ARHGAP15: variants seen among roughly 807,000 people sequenced by gnomAD.
ARHGAP15 encodes the protein rho GTPase-activating protein 15.
ARHGAP15 carries 51 observed loss-of-function variants against 63.7 expected under a neutral mutation model. The ratio of observed to expected loss-of-function variants is 0.80; its 90% confidence interval spans 0.64 to 1.01. The LOEUF (loss-of-function observed/expected upper bound fraction) is 1.01, where lower values mean the gene tolerates loss of function less well. ARHGAP15 is among the 50% of genes least tolerant of loss of function. The pLI, the probability that ARHGAP15 is intolerant of heterozygous loss-of-function variation, is 0.00. For synonymous variants in ARHGAP15, 191 were observed against 193.8 expected (o/e 0.99, Z 0.12); for missense variants, 560 against 564.6 (o/e 0.99, Z 0.08).
At chr2:143,180,057 G>A (rs1691174091) in intron 2 of ARHGAP15, among the ~76,000 whole-genome samples, 1 of 152,182 alleles carries the variant, frequency 6.6e-6, no homozygotes. Context: ...GGGCAAAGTG[G>A]CTGTGGCAAT....
At chr2:143,420,122 C>T (rs114078748) in intron 6 of ARHGAP15, among the ~76,000 whole-genome samples, 1,832 of 152,206 alleles carry the variant, frequency 0.012, 34 homozygotes, top group African/African-American at 0.041. Context: ...GTCTCACTTA[C>T]GGACAATGTG....
chr2:143,168,225 G>A (rs1220204060), intron 2 of ARHGAP15, among the ~76,000 whole-genome samples: 1 of 151,992 alleles, frequency 6.6e-6, no homozygotes, highest in Non-Finnish European at 1.5e-5. Flanking sequence ...GGGTAGTGGT[G>A]CAGTGGCATG....
At chr2:143,512,293 G>A (rs1693624903) in intron 9 of ARHGAP15, among the ~76,000 whole-genome samples, 1 of 152,210 alleles carries the variant, frequency 6.6e-6, no homozygotes, top group Admixed American at 6.5e-5. Context: ...TTACTTGACA[G>A]GATCCACTTG....
At chr2:143,662,271 C>G (rs1361820443) in intron 12 of ARHGAP15, among the ~76,000 whole-genome samples, 28 of 151,100 alleles carry the variant, frequency 1.9e-4, no homozygotes. Context: ...GACCCCCGAG[C>G]AGCCTAACTG....
chr2:143,204,706 C>G (rs1328337930), intron 3 of ARHGAP15, among the ~76,000 whole-genome samples: 1 of 152,090 alleles, frequency 6.6e-6, no homozygotes, highest in Non-Finnish European at 1.5e-5. Flanking sequence ...TCACTAGGCC[C>G]TAGAAGACTC....
chr2:143,519,218 C>G (rs916474838), intron 9 of ARHGAP15, 48 bp from the exon 10 acceptor site: 5 of 1,384,266 alleles, frequency 3.6e-6, no homozygotes, highest in Admixed American at 1.7e-5. Flanking sequence ...AATTAAAGAA[C>G]AACGCAAGCT....
At chr2:143,487,330 A>C (rs551418886) in intron 8 of ARHGAP15, 43 bp from the exon 9 acceptor site, 17 of 1,580,184 alleles carry the variant, frequency 1.1e-5, no homozygotes, top group Non-Finnish European at 1.5e-5. Context: ...ATAATCATAA[A>C]GGAGAAATTT....
At chr2:143,136,643 A>G (rs963995131) in intron 1 of ARHGAP15, among the ~76,000 whole-genome samples, 2 of 151,652 alleles carry the variant, frequency 1.3e-5, no homozygotes, top group Non-Finnish European at 2.9e-5. Context: ...AAAACCGTTA[A>G]GTCTCCCAAT....
intron 9 of ARHGAP15, among the ~76,000 whole-genome samples, chr2:143,509,639 T>G (rs1036054168): frequency 9.2e-5 from 14 of 152,136 alleles, no homozygotes; most frequent in Non-Finnish European, 5.9e-5. Context: ...CAGTAAAGTT[T>G]TGGGAAAGTT....
chr2:143,370,520 T>C (rs1229582223), intron 6 of ARHGAP15, among the ~76,000 whole-genome samples: 29 of 89,154 alleles, frequency 3.3e-4, no homozygotes, highest in Non-Finnish European at 8.7e-5. Flanking sequence ...AGTACTATTG[T>C]ATCAAGTCAT....
intron 13 of ARHGAP15, among the ~76,000 whole-genome samples, chr2:143,720,672 C>T (rs1685012382): frequency 6.6e-6 from 1 of 152,170 alleles, no homozygotes; most frequent in Non-Finnish European, 1.5e-5. Flanking sequence ...CCTGCCGGTC[C>T]TGTGGCCAGC....
At chr2:143,393,726 TAAAAAA>T (rs10593584) in intron 6 of ARHGAP15, among the ~76,000 whole-genome samples, 3 of 61,444 alleles carry the variant, frequency 4.9e-5, no homozygotes, top group Non-Finnish European at 9.1e-5. Flanking sequence ...AGACTCTGTC[TAAAAAA>T]AAAAAAAAAA....
In ARHGAP15 at chr2:143,288,371, GA is replaced by G. The variant is rs373971519; in HGVS notation, c.474+37780del. Among the ~76,000 whole-genome samples, 21 of 150,082 alleles carry G rather than the reference GA, an allele frequency of 1.4e-4. 1 individual carries two copies. Among genetic ancestry groups the G allele is most frequent in the Non-Finnish European group, 1.9e-4 (13 of 67,458 alleles). ...GCACATAGCTTGTAGATTGTATTTG[GA>G]AAAAAAAATTACCTTTTCTAAAGTT... is the stretch of plus-strand genomic sequence containing the variant. On this transcript the variant is annotated intron_variant, in intron 6 of 13. Transcript: ENST00000295095.
At chr2:143,712,256 C>G (rs1327169683) in intron 13 of ARHGAP15, among the ~76,000 whole-genome samples, 1 of 152,130 alleles carries the variant, frequency 6.6e-6, no homozygotes, top group Non-Finnish European at 1.5e-5. Context: ...GGATGGCACC[C>G]AGATTTTGAA....
chr2:143,594,230 T>A (rs1215053828), intron 11 of ARHGAP15, among the ~76,000 whole-genome samples: 1 of 152,176 alleles, frequency 6.6e-6, no homozygotes, highest in Non-Finnish European at 1.5e-5. Context: ...GTAAAATAAA[T>A]GTCTGGGATA....
At chr2:143,315,283 C>T (rs1200786695) in intron 6 of ARHGAP15, among the ~76,000 whole-genome samples, 3 of 151,934 alleles carry the variant, frequency 2.0e-5, no homozygotes, top group Non-Finnish European at 4.4e-5. Flanking sequence ...CATTACGGTA[C>T]TATATTTAGG....
At chr2:143,295,975 C>G (rs891620027) in intron 6 of ARHGAP15, among the ~76,000 whole-genome samples, 4 of 151,996 alleles carry the variant, frequency 2.6e-5, no homozygotes, top group Admixed American at 1.3e-4. Context: ...CTCGCTGTCA[C>G]CACATTTCTG....
chr2:143,490,957 A>C (rs759325460), intron 9 of ARHGAP15, among the ~76,000 whole-genome samples: 14 of 152,196 alleles, frequency 9.2e-5, no homozygotes, highest in Admixed American at 2.0e-4. Context: ...AATATGACTA[A>C]AGAGAAGTAC....
chr2:143,228,581 G>GAAAAACT lies in ARHGAP15; in HGVS notation c.298_304dup (p.Trp102Ter). ...TTCCCTTTTATTTTTTTGTCCTAAG[G>GAAAAACT]AAAAACTGGTCTACTTCCTGGATTG... On this transcript the variant is annotated frameshift_variant and splice_region_variant, in exon 5 of 14. Transcript: ENST00000295095. LOFTEE classifies it high-confidence loss of function. 1 of 1,598,040 alleles carries GAAAAACT rather than the reference G, an allele frequency of 6.3e-7. No individual in the cohort carries two copies. Among genetic ancestry groups the GAAAAACT allele is most frequent in the South Asian group, 1.1e-5 (1 of 88,122 alleles).
Sources: allele counts gnomAD v4.1 joint callset (sites outside exome capture counted in the v4.1 genomes callset), GRCh38; gene constraint gnomAD v4.1.1; transcripts MANE v1.5; gene names NCBI Gene and HGNC (gene_info 2026-07-23, HGNC 2026-07-21).